The following IQSEC1 variants were observed in gnomAD, a reference collection of about 807,000 sequenced individuals.
IQSEC1 encodes the protein IQ motif and Sec7 domain ArfGEF 1, also known as IQ motif and SEC7 domain-containing protein 1.
In IQSEC1, 31 loss-of-function variants were observed where a neutral mutation model predicts 91.0. The ratio of observed to expected loss-of-function variants is 0.34; its 90% CI spans 0.26 to 0.46. The LOEUF (loss-of-function observed/expected upper bound fraction) is 0.46, where lower values mean the gene tolerates loss of function less well. Among genes scored for constraint, IQSEC1 ranks in the 20% least tolerant of loss-of-function variants. IQSEC1 has a pLI of 1.00. For synonymous variants in IQSEC1, 699 were observed against 662.6 expected (o/e 1.05, Z -0.84); for missense variants, 1,388 against 1,575.6 (o/e 0.88, Z 2.02).
chr3:12,926,252 G>A (rs1179793399), intron 3 of IQSEC1, among the ~76,000 whole-genome samples: 1 of 152,044 alleles, frequency 6.6e-6, no homozygotes, highest in East Asian at 1.9e-4. Flanking sequence ...GCAGGTTACG[G>A]TGAGCCGAGA....
intron 1 of IQSEC1, among the ~76,000 whole-genome samples, chr3:13,195,130 T>C (rs1694103232): frequency 6.6e-6 from 1 of 152,162 alleles, no homozygotes; most frequent in African/African-American, 2.4e-5. Flanking sequence ...ATATAAAAAA[T>C]GTTCAAAATT....
At chr3:13,023,110 T>G (rs1348150933) in intron 1 of IQSEC1, among the ~76,000 whole-genome samples, 2 of 152,138 alleles carry the variant, frequency 1.3e-5, no homozygotes, top group African/African-American at 4.8e-5. Flanking sequence ...TAGGAATTGG[T>G]GGAGGTGGGA....
At chr3:13,022,122 A>T in intron 1 of IQSEC1, 1 of 1,231,806 alleles carries the variant, frequency 8.1e-7, no homozygotes, top group Admixed American at 4.2e-5. Context: ...TGGAGGAGCG[A>T]GTGGCCAAGG....
chr3:13,135,413 G>A (rs573162094), intron 2 of IQSEC1, among the ~76,000 whole-genome samples: 2 of 152,350 alleles, frequency 1.3e-5, no homozygotes, highest in East Asian at 3.9e-4. Flanking sequence ...GCCTGCTACT[G>A]CTACACGGGC....
intron 2 of IQSEC1, among the ~76,000 whole-genome samples, chr3:13,107,118 C>T (rs1428280627): frequency 2.6e-5 from 4 of 152,208 alleles, no homozygotes; most frequent in Admixed American, 6.5e-5. Context: ...GTGGAGAAGG[C>T]ACAGAGTGGC....
chr3:13,189,838 G>A (rs1029868280), intron 1 of IQSEC1, among the ~76,000 whole-genome samples: 1 of 152,202 alleles, frequency 6.6e-6, no homozygotes, highest in African/African-American at 2.4e-5. Flanking sequence ...ACCCATGTGA[G>A]CTGTCCCCAC....
chr3:12,996,014 A>T (rs1702213740), intron 1 of IQSEC1, among the ~76,000 whole-genome samples: 1 of 152,076 alleles, frequency 6.6e-6, no homozygotes, highest in African/African-American at 2.4e-5. Flanking sequence ...ACTCCATCTC[A>T]AAAATAAATT....
chr3:12,901,668 G>C, intron 13 of IQSEC1, 146 bp from the exon 14 acceptor site: 1 of 717,246 alleles, frequency 1.4e-6, no homozygotes, highest in Non-Finnish European at 2.3e-6. Context: ...GCTCAGTGAG[G>C]CTGGACTGGG....
At chr3:13,052,056 C>T (rs1465762868) in intron 1 of IQSEC1, among the ~76,000 whole-genome samples, 1 of 152,166 alleles carries the variant, frequency 6.6e-6, no homozygotes, top group East Asian at 1.9e-4. Flanking sequence ...AAGCCACAGC[C>T]CACTGGGCCT....
intron 1 of IQSEC1, among the ~76,000 whole-genome samples, chr3:13,242,046 T>C (rs894218317): frequency 1.3e-5 from 2 of 152,170 alleles, no homozygotes; most frequent in Non-Finnish European, 2.9e-5. Context: ...TGTGTGCATA[T>C]ATATTTGTCT....
intron 1 of IQSEC1, among the ~76,000 whole-genome samples, chr3:13,179,784 G>T (rs1007443659): frequency 5.9e-5 from 9 of 152,260 alleles, no homozygotes; most frequent in Non-Finnish European, 1.3e-4. Context: ...CCGGGGCTAT[G>T]CACGGTGCTT....
At chr3:13,066,737 G>A (rs1436404940) in intron 1 of IQSEC1, among the ~76,000 whole-genome samples, 10 of 152,214 alleles carry the variant, frequency 6.6e-5, no homozygotes, top group Admixed American at 5.2e-4. Flanking sequence ...TCCAGGAGCC[G>A]CTCTGGCAGG....
chr3:13,020,103 C>T (rs1165468618), intron 1 of IQSEC1, among the ~76,000 whole-genome samples: 3 of 152,216 alleles, frequency 2.0e-5, no homozygotes, highest in African/African-American at 7.2e-5. Context: ...AGTGCCAATA[C>T]CTGGAAACCT....
At chr3:12,918,977 C>T (rs888829335) in intron 6 of IQSEC1, among the ~76,000 whole-genome samples, 1 of 152,244 alleles carries the variant, frequency 6.6e-6, no homozygotes, top group Non-Finnish European at 1.5e-5. Context: ...ATGCAGCACA[C>T]AGCTGGCTTT....
rs1282851250 is a variant in IQSEC1 at position 13,214,976 on chromosome 3, CT to C, written c.273-50844del. 6.6e-6 allele frequency among the ~76,000 whole-genome samples: 1 copy of C among 152,180 alleles called. No homozygotes were observed. Reference sequence around the variant, plus strand: ...TAGAATCTTGAGCCCTGTGCCTGACCTAGACTAGGCCCTCAGACATGGTTCA... The same window carrying C: ...TAGAATCTTGAGCCCTGTGCCTGACCAGACTAGGCCCTCAGACATGGTTCA... On this transcript the variant is annotated intron_variant, in intron 1 of 15. Coordinates refer to the IQSEC1 transcript ENST00000648114. The surrounding 1 kb of genome is among the most constrained non-coding windows in gnomAD (Gnocchi z 4.5).
intron 2 of IQSEC1, among the ~76,000 whole-genome samples, chr3:13,090,575 G>T (rs908355552): frequency 3.3e-5 from 5 of 152,234 alleles, no homozygotes; most frequent in Non-Finnish European, 7.3e-5. Flanking sequence ...AGTCTGTGGG[G>T]TGATTGGTGA....
At chr3:13,137,044 G>A (rs1054914009) in intron 2 of IQSEC1, among the ~76,000 whole-genome samples, 17 of 152,342 alleles carry the variant, frequency 1.1e-4, no homozygotes, top group Non-Finnish European at 2.2e-4. Context: ...GCTGAGGCAG[G>A]AGGATCGCTT....
chr3:12,928,191 G>A (rs539638360), intron 3 of IQSEC1, among the ~76,000 whole-genome samples: 5 of 152,068 alleles, frequency 3.3e-5, no homozygotes, highest in Admixed American at 6.5e-5. Context: ...ACAGTCTGAG[G>A]GCAGAGGTGT....
intron 2 of IQSEC1, among the ~76,000 whole-genome samples, chr3:13,148,671 C>T (rs1326117509): frequency 6.6e-6 from 1 of 152,246 alleles, no homozygotes; most frequent in Non-Finnish European, 1.5e-5. Context: ...TTCCAGGTCA[C>T]CACAGTCCCC....
Sources: allele counts gnomAD v4.1 joint callset (sites outside exome capture counted in the v4.1 genomes callset), GRCh38; gene constraint gnomAD v4.1.1; non-coding constraint Gnocchi (gnomAD v3.1); transcripts MANE v1.5; gene names NCBI Gene and HGNC (gene_info 2026-07-23, HGNC 2026-07-21).